Variants in SH3RF2 observed in about 807,000 individuals in gnomAD.
SH3RF2 encodes the protein SH3 domain containing ring finger 2.
In SH3RF2, 43 loss-of-function variants were observed where a neutral mutation model predicts 59.0. That is an observed-to-expected ratio of 0.73 (90% CI 0.57 to 0.94). The LOEUF (loss-of-function observed/expected upper bound fraction) is 0.94. SH3RF2 is among the 40% of genes least tolerant of loss of function. SH3RF2 has a pLI of 0.00. For missense variants in SH3RF2, 930 were observed against 940.1 expected, an observed-to-expected ratio of 0.99 and a Z score of 0.14; for synonymous variants, 391 against 391.5, an observed-to-expected ratio of 1.00 and a Z score of 0.01.
intron 2 of SH3RF2, among the ~76,000 whole-genome samples, chr5:145,951,821 C>T (rs1299335162): frequency 6.6e-6 from 1 of 152,158 alleles, no homozygotes; most frequent in East Asian, 1.9e-4. Flanking sequence ...TGGACTACCT[C>T]GCTTAGTTCT....
At chr5:146,072,591 A>C (rs768604570) in intron 9 of SH3RF2, among the ~76,000 whole-genome samples, 5 of 152,130 alleles carry the variant, frequency 3.3e-5, no homozygotes, top group Admixed American at 6.5e-5. Flanking sequence ...GAATCACTTG[A>C]ACCCGGGAGG....
chr5:145,971,125 C>T (rs1053437526), intron 2 of SH3RF2, among the ~76,000 whole-genome samples: 1 of 152,136 alleles, frequency 6.6e-6, no homozygotes, highest in Non-Finnish European at 1.5e-5. Context: ...GAAATCCTGC[C>T]CAAAGCAACC....
rs1394891162 is a variant in SH3RF2, at chr5:146,033,472, T to C, written c.1060-14300T>C. Among the ~76,000 whole-genome samples the C allele has an allele frequency of 1.1e-3, 103 of 89,978 alleles. 7 individuals are homozygous for C. Among genetic ancestry groups the C allele is most frequent in the Middle Eastern group, 4.8e-3 (1 of 210 alleles). The allele number at this position is 89,978 out of a possible 152,430, so 59.0% of individuals were successfully genotyped here. On this transcript the variant is annotated intron_variant, in intron 5 of 9. Transcript: ENST00000359120. The stretch of plus-strand genomic sequence containing the variant: ...TTAGCTTTTTTTTTTTTTTTTTTTT[T>C]TTTTTTTTTTTTTTTGAGATGGAGT...
chr5:146,010,448 C>A (rs532486118), intron 4 of SH3RF2, among the ~76,000 whole-genome samples: 1 of 152,192 alleles, frequency 6.6e-6, no homozygotes, highest in East Asian at 1.9e-4. Flanking sequence ...CTTGAGGAAT[C>A]GCCACACCGT....
intron 7 of SH3RF2, chr5:146,055,720 G>C: frequency 5.8e-6 from 3 of 513,216 alleles, no homozygotes; most frequent in Non-Finnish European, 1.0e-5. Flanking sequence ...TGAAATTCAA[G>C]TCTTCTAGCT....
rs1760199922 is a variant in SH3RF2, at chr5:145,997,216, A to G, written c.379-2842A>G. 3.5e-6 allele frequency: 3 copies of G among 864,982 alleles called. No individual in the cohort carries two copies. In the East Asian group the frequency reaches 7.2e-5, roughly 21 times the overall value. The allele number at this position is 864,982 out of a possible 1,614,324, so 53.6% of individuals were successfully genotyped here. A position where few individuals can be genotyped will look rare whatever the true frequency, so the allele number is the denominator to read the frequency against. ...TGTCTCAGATTTTCACCCTGCTAGTAGATGGGAAAACTGACAACCATGCCT... is the reference window on the plus strand; with the variant it reads ...TGTCTCAGATTTTCACCCTGCTAGTGGATGGGAAAACTGACAACCATGCCT... On this transcript the variant is annotated intron_variant, in intron 2 of 9. Coordinates refer to ENST00000359120, the MANE Select transcript of SH3RF2 (RefSeq NM_152550.4).
At chr5:146,046,252 C>T (rs949908431) in intron 5 of SH3RF2, among the ~76,000 whole-genome samples, 2 of 152,138 alleles carry the variant, frequency 1.3e-5, no homozygotes, top group African/African-American at 4.8e-5. Flanking sequence ...CATGTGTGAA[C>T]AAAACAAGAT....
At chr5:146,064,764 AAGGAAGGAAGGAAAGG>A (rs1763036562), downstream of SH3RF2, among the ~76,000 whole-genome samples, 4 of 4,184 alleles carry the variant, frequency 9.6e-4, no homozygotes, top group African/African-American at 1.3e-3. Context: ...GGAAGGAAGG[AAGGAAGGAAGGAAAGG>A]AAGGAAGGAA....
rs574036762 is a variant in SH3RF2, at chr5:145,979,307, A to G, written c.379-20751A>G. On this transcript the variant is annotated intron_variant, in intron 2 of 9. Coordinates refer to ENST00000359120, the MANE Select transcript of SH3RF2 (RefSeq NM_152550.4). ...CAAGCCCTCCAAGTGATTCCAATGC[A>G]CCCTAAAAATCTGAGAATCAGTGTC... Among the ~76,000 whole-genome samples, 3 of 152,318 alleles carry G rather than the reference A, an allele frequency of 2.0e-5. No individual in the cohort carries two copies. In the South Asian group the frequency reaches 6.2e-4, roughly 32 times the overall value.
chr5:146,011,467 G>A (rs1760894283), intron 4 of SH3RF2, among the ~76,000 whole-genome samples: 1 of 152,100 alleles, frequency 6.6e-6, no homozygotes, highest in African/African-American at 2.4e-5. Context: ...AAATTACCTT[G>A]GGCAGTATGG....
intron 2 of SH3RF2, among the ~76,000 whole-genome samples, chr5:145,956,578 C>A (rs1316721144): frequency 2.0e-5 from 3 of 152,088 alleles, no homozygotes; most frequent in Admixed American, 1.3e-4. Flanking sequence ...GCCTGGCCAT[C>A]TTTTGCTTTA....
At chr5:146,068,465 C>A (rs1763156384) in intron 9 of SH3RF2, among the ~76,000 whole-genome samples, 1 of 152,214 alleles carries the variant, frequency 6.6e-6, no homozygotes, top group African/African-American at 2.4e-5. Context: ...AAGATTCTCT[C>A]TTTAGCTAAG....
intron 5 of SH3RF2, among the ~76,000 whole-genome samples, chr5:146,016,476 T>G (rs1362614101): frequency 6.6e-6 from 1 of 152,156 alleles, no homozygotes; most frequent in Non-Finnish European, 1.5e-5. Context: ...TAGAAAAGTC[T>G]CCTTTTACTC....
chr5:145,941,986 C>T (rs534744466), intron 2 of SH3RF2, among the ~76,000 whole-genome samples: 27 of 152,282 alleles, frequency 1.8e-4, no homozygotes, highest in Middle Eastern at 3.4e-3. Context: ...CATCCAGAGA[C>T]GGTCCTTGGT....
At chr5:145,961,479 G>A (rs943155718) in intron 2 of SH3RF2, among the ~76,000 whole-genome samples, 1 of 152,138 alleles carries the variant, frequency 6.6e-6, no homozygotes, top group African/African-American at 2.4e-5. Context: ...GTACAGATAG[G>A]AAACGATTTC....
At chr5:145,990,643 C>T (rs906293859) in intron 2 of SH3RF2, among the ~76,000 whole-genome samples, 2 of 152,198 alleles carry the variant, frequency 1.3e-5, no homozygotes, top group Admixed American at 6.5e-5. Flanking sequence ...ATCTTTCTAT[C>T]AAAATGATTC....
intron 5 of SH3RF2, among the ~76,000 whole-genome samples, chr5:146,019,249 G>A (rs1477859969): frequency 2.0e-5 from 3 of 152,056 alleles, no homozygotes; most frequent in Non-Finnish European, 4.4e-5. Context: ...TCCGGTCTTA[G>A]ATTTAAGTCT....
chr5:145,954,703 A>G (rs1430320453), intron 2 of SH3RF2, among the ~76,000 whole-genome samples: 1 of 152,134 alleles, frequency 6.6e-6, no homozygotes, highest in Non-Finnish European at 1.5e-5. Flanking sequence ...CATTTAGAGA[A>G]TGGATAATTT....
intron 3 of SH3RF2, among the ~76,000 whole-genome samples, chr5:146,001,045 C>T (rs1365674192): frequency 5.3e-5 from 8 of 152,208 alleles, no homozygotes; most frequent in South Asian, 2.1e-4. Context: ...CACACAATAA[C>T]ATAATCGTGC....
Sources: allele counts gnomAD v4.1 joint callset (sites outside exome capture counted in the v4.1 genomes callset), GRCh38; gene constraint gnomAD v4.1.1; transcripts MANE v1.5; gene names NCBI Gene and HGNC (gene_info 2026-07-23, HGNC 2026-07-21).